SEM1: variants seen among roughly 807,000 people sequenced by gnomAD.
The protein encoded by SEM1 is 26S proteasome complex subunit SEM1.
SEM1 carries 3 observed loss-of-function variants against 12.7 expected under a neutral mutation model. That is an observed-to-expected ratio of 0.24 (90% CI 0.11 to 0.61). The LOEUF (loss-of-function observed/expected upper bound fraction) is 0.61. Among genes scored for constraint, SEM1 ranks in the 20% least tolerant of loss-of-function variants. SEM1 has a pLI of 0.88. For missense variants in SEM1, 59 were observed against 81.3 expected, an observed-to-expected ratio of 0.73 and a Z score of 1.06; for synonymous variants, 30 against 27.8, an observed-to-expected ratio of 1.08 and a Z score of -0.25.
chr7:96,662,996 T>C (rs1345980463), intron 2 of SEM1, among the ~76,000 whole-genome samples: 1 of 152,172 alleles, frequency 6.6e-6, no homozygotes, highest in South Asian at 2.1e-4. Flanking sequence ...TATTGAGTAT[T>C]AGATGACATT....
intron 3 of SEM1, chr7:96,503,647 C>A (rs1465547318): frequency 6.6e-6 from 1 of 152,076 alleles, no homozygotes; most frequent in African/African-American, 2.4e-5. Context: ...ACCTTAGCCT[C>A]ATTTATTTTC....
At chr7:96,488,973 G>C (rs574268689) in intron 1 of SEM1, among the ~76,000 whole-genome samples, 2 of 152,056 alleles carry the variant, frequency 1.3e-5, no homozygotes, top group Non-Finnish European at 2.9e-5. Flanking sequence ...TGGGATGTGC[G>C]TACAGATACA....
At chr7:96,502,166 G>A (rs932158422) in intron 3 of SEM1, among the ~76,000 whole-genome samples, 1 of 152,204 alleles carries the variant, frequency 6.6e-6, no homozygotes, top group African/African-American at 2.4e-5. Flanking sequence ...TGCTCTCTGA[G>A]GCAAGTACTA....
intron 2 of SEM1, among the ~76,000 whole-genome samples, chr7:96,615,629 G>A (rs573535601): frequency 7.9e-5 from 12 of 152,280 alleles, no homozygotes; most frequent in African/African-American, 2.4e-4. Flanking sequence ...AGGTGCAAGT[G>A]CAGATATCTT....
chr7:96,677,030 CCT>C (rs1338851491), intron 2 of SEM1, among the ~76,000 whole-genome samples: 2 of 152,102 alleles, frequency 1.3e-5, no homozygotes, highest in African/African-American at 2.4e-5. Context: ...GCAAATCAGC[CCT>C]GTTTTTATTA....
rs561489688 is a variant in SEM1 at position 96,550,055 on chromosome 7, T to G, written c.171-43357A>C. Among the ~76,000 whole-genome samples the G allele has an allele frequency of 6.6e-5, 10 of 152,274 alleles. No homozygotes were observed. In the East Asian group the frequency reaches 1.9e-3, roughly 29 times the overall value. On this transcript the variant is annotated intron_variant and NMD_transcript_variant, in intron 2 of 3. Coordinates refer to the SEM1 transcript ENST00000466986. ...CTTTCTTGAATTAAAAATTAGGTTT[T>G]TATTAATATAAATGTCTAGGGTTTA...
chr7:96,655,786 A>G (rs1809162608), intron 2 of SEM1, among the ~76,000 whole-genome samples: 1 of 152,182 alleles, frequency 6.6e-6, no homozygotes, highest in Admixed American at 6.5e-5. Flanking sequence ...GGCTTTGAAC[A>G]AGTTATGTCT....
Position 96,519,299 on chromosome 7 carries a change from T to C in SEM1, c.171-12601A>G, listed in dbSNP as rs115676246. Among the ~76,000 whole-genome samples, 342 of 152,230 alleles carry C rather than the reference T, an allele frequency of 2.2e-3. 1 individual carries two copies. Among genetic ancestry groups the C allele is most frequent in the African/African-American group, 7.8e-3 (324 of 41,540 alleles). ...TGAGCACTTTCTATCTGCCAGGCGT[T>C]GCTTTAGGCATTTAGGATACATCAG... On this transcript the variant is annotated intron_variant and NMD_transcript_variant, in intron 2 of 3. Transcript: ENST00000466986.
intron 2 of SEM1, among the ~76,000 whole-genome samples, chr7:96,513,624 T>C (rs1344044928): frequency 6.6e-6 from 1 of 151,836 alleles, no homozygotes; most frequent in East Asian, 1.9e-4. Flanking sequence ...AGGTCAGGAG[T>C]TCCAGACTAG....
intron 2 of SEM1, among the ~76,000 whole-genome samples, chr7:96,539,380 T>C (rs1164406687): frequency 1.3e-5 from 2 of 151,762 alleles, no homozygotes; most frequent in Non-Finnish European, 2.9e-5. Flanking sequence ...TAATATAATA[T>C]ATACCAGAAA....
intron 2 of SEM1, among the ~76,000 whole-genome samples, chr7:96,547,422 T>A (rs1805136230): frequency 6.6e-6 from 1 of 152,144 alleles, no homozygotes; most frequent in Non-Finnish European, 1.5e-5. Context: ...CCATTCATGG[T>A]CCAAAGGCAA....
intron 1 of SEM1, among the ~76,000 whole-genome samples, chr7:96,490,393 C>A (rs1360651725): frequency 1.3e-5 from 2 of 152,042 alleles, no homozygotes; most frequent in African/African-American, 4.8e-5. Context: ...CTATAAAGAG[C>A]CCAGATTACA....
chr7:96,513,764 G>T (rs1336520693), intron 2 of SEM1, among the ~76,000 whole-genome samples: 1 of 152,084 alleles, frequency 6.6e-6, no homozygotes, highest in Non-Finnish European at 1.5e-5. Flanking sequence ...AGGAGGCAGA[G>T]GTTGCAGTAT....
rs1471798436 is a variant in SEM1 at position 96,694,886 on chromosome 7, C to T, written c.82G>A (p.Ala28Thr). 2 of 1,604,112 alleles carry T rather than the reference C, an allele frequency of 1.2e-6. No individual in the cohort carries two copies. Among genetic ancestry groups the T allele is most frequent in the East Asian group, 2.2e-5 (1 of 44,704 alleles). The change falls in exon 2 of 3, where the codon GCT (alanine) becomes ACT (threonine). Residue 28 changes from alanine to threonine, a missense_variant. Physicochemically the swap from Ala to Thr is moderately conservative, Grantham distance 58. Transcript: ENST00000248566. ...EFEEFPAEDW[A>T]GLDEDEDAHV... ...GCATCTTCATCTTCATCTAAGCCAG[C>T]CCAGTCTAAAAATAGAAACAGATGC...
Position 96,510,419 on chromosome 7 carries a change from T to C in SEM1, c.171-3721A>G, listed in dbSNP as rs146856329. On this transcript the variant is annotated intron_variant and NMD_transcript_variant, in intron 2 of 3. Transcript: ENST00000466986. ...CAGCATGTTACTATACCAAACACTA[T>C]AGGCAATTGTAACACAGTGGTTATA... Among the ~76,000 whole-genome samples, 205 of 152,252 alleles carry C rather than the reference T, an allele frequency of 1.3e-3. 1 individual carries two copies. The highest frequency in any genetic ancestry group is 4.5e-3 in the African/African-American group (187 of 41,578).
chr7:96,607,564 A>G (rs1352205634), intron 2 of SEM1, among the ~76,000 whole-genome samples: 1 of 152,208 alleles, frequency 6.6e-6, no homozygotes, highest in Non-Finnish European at 1.5e-5. Context: ...TAAGGACTTT[A>G]TAATTCAATT....
At chr7:96,552,936 T>C (rs1352197465) in intron 2 of SEM1, among the ~76,000 whole-genome samples, 2 of 150,734 alleles carry the variant, frequency 1.3e-5, no homozygotes, top group Non-Finnish European at 3.0e-5. Flanking sequence ...TGCATTTCTC[T>C]GATGGCCAGT....
At chr7:96,656,508 C>A (rs1425400250) in intron 2 of SEM1, 6 of 151,900 alleles carry the variant, frequency 3.9e-5, no homozygotes, top group Admixed American at 3.9e-4. Context: ...CCTCCCCTGA[C>A]CTGATTAATT....
At chr7:96,529,870 C>T (rs539896125) in intron 2 of SEM1, among the ~76,000 whole-genome samples, 2 of 152,234 alleles carry the variant, frequency 1.3e-5, no homozygotes, top group South Asian at 4.1e-4. Flanking sequence ...AGAGCTTTCA[C>T]TGCGGTACTA....
Sources: allele counts gnomAD v4.1 joint callset (sites outside exome capture counted in the v4.1 genomes callset), GRCh38; gene constraint gnomAD v4.1.1; transcripts MANE v1.5; gene names NCBI Gene and HGNC (gene_info 2026-07-23, HGNC 2026-07-21).